GRXCR1: variants seen among roughly 807,000 people sequenced by gnomAD.
The protein encoded by GRXCR1 is glutaredoxin and cysteine rich domain containing 1.
Under a neutral mutation model 27.3 loss-of-function variants are expected in GRXCR1, and 27 were observed. The observed-to-expected ratio is 0.99, with a 90% CI of 0.73 to 1.37. The LOEUF (loss-of-function observed/expected upper bound fraction) is 1.37. GRXCR1 is among the 40% of genes most tolerant of loss of function. The probability of loss-of-function intolerance (pLI) is 0.00; values close to 1 mark genes in which losing one functional copy is unlikely to be tolerated. For synonymous variants in GRXCR1, 122 were observed against 131.1 expected (o/e 0.93, Z 0.47); for missense variants, 379 against 354.4 (o/e 1.07, Z -0.56).
At chr4:43,015,734 G>A (rs1712910834) in intron 2 of GRXCR1, among the ~76,000 whole-genome samples, 1 of 151,490 alleles carries the variant, frequency 6.6e-6, no homozygotes, top group African/African-American at 2.4e-5. Flanking sequence ...TTAGTAAGAT[G>A]AGGTGGTTTA....
chr4:42,916,303 GTAGT>G (rs1746885052), intron 1 of GRXCR1, among the ~76,000 whole-genome samples: 1 of 152,020 alleles, frequency 6.6e-6, no homozygotes. Flanking sequence ...AGGCTAAATG[GTAGT>G]TAAAGGGAAG....
At chr4:42,968,999 C>T (rs985354381) in intron 2 of GRXCR1, among the ~76,000 whole-genome samples, 1 of 152,112 alleles carries the variant, frequency 6.6e-6, no homozygotes, top group Non-Finnish European at 1.5e-5. Flanking sequence ...AACAATTCTT[C>T]AAGCTGTATG....
At chr4:42,916,815 T>G (rs1746896650) in intron 1 of GRXCR1, among the ~76,000 whole-genome samples, 2 of 152,130 alleles carry the variant, frequency 1.3e-5, no homozygotes, top group Non-Finnish European at 2.9e-5. Flanking sequence ...ACATCCAAGA[T>G]TAAGTATCTA....
At chr4:42,955,204 G>C (rs1331585433) in intron 1 of GRXCR1, among the ~76,000 whole-genome samples, 1 of 151,892 alleles carries the variant, frequency 6.6e-6, no homozygotes, top group Non-Finnish European at 1.5e-5. Context: ...TAATCACTTT[G>C]CCTCTTTGCC....
intron 3 of GRXCR1, among the ~76,000 whole-genome samples, chr4:43,030,118 T>A (rs1045893747): frequency 2.0e-5 from 3 of 152,180 alleles, no homozygotes; most frequent in Non-Finnish European, 4.4e-5. Context: ...AACCTAAAAT[T>A]TACCCACTTT....
chr4:43,003,894 G>A (rs1413335667), intron 2 of GRXCR1, among the ~76,000 whole-genome samples: 1 of 152,210 alleles, frequency 6.6e-6, no homozygotes, highest in Non-Finnish European at 1.5e-5. Context: ...ATTTTCTGGG[G>A]GAAAATAAAA....
At chr4:42,899,783 G>T (rs750261649) in intron 1 of GRXCR1, among the ~76,000 whole-genome samples, 1 of 152,070 alleles carries the variant, frequency 6.6e-6, no homozygotes, top group African/African-American at 2.4e-5. Context: ...ATCTAAGTTG[G>T]AAAATCACAT....
At chr4:42,913,038 G>C (rs147961406) in intron 1 of GRXCR1, among the ~76,000 whole-genome samples, 135 of 152,210 alleles carry the variant, frequency 8.9e-4, no homozygotes, top group Admixed American at 3.0e-3. Context: ...CACCACGATT[G>C]TAAGTTTCCT....
intron 1 of GRXCR1, among the ~76,000 whole-genome samples, chr4:42,932,091 G>A (rs1413925104): frequency 2.0e-5 from 3 of 151,926 alleles, no homozygotes; most frequent in Admixed American, 2.0e-4. Context: ...ATGACATGTG[G>A]GAATTGTGGG....
chr4:43,011,991 T>C (rs539551536), intron 2 of GRXCR1, among the ~76,000 whole-genome samples: 1 of 152,338 alleles, frequency 6.6e-6, no homozygotes, highest in East Asian at 1.9e-4. Flanking sequence ...AACTCCCTCC[T>C]GCGAATGGAA....
chr4:42,951,807 A>T (rs1299137521), intron 1 of GRXCR1, among the ~76,000 whole-genome samples: 3 of 152,138 alleles, frequency 2.0e-5, no homozygotes, highest in Non-Finnish European at 4.4e-5. Context: ...AATAATCTCC[A>T]TCCTGACTGG....
chr4:42,986,289 A>T (rs1042900297), intron 2 of GRXCR1, among the ~76,000 whole-genome samples: 14 of 152,240 alleles, frequency 9.2e-5, no homozygotes, highest in African/African-American at 3.4e-4. Flanking sequence ...TCTCTCCAGC[A>T]GTAAGACTTA....
chr4:42,949,880 G>A (rs1374959219), intron 1 of GRXCR1, among the ~76,000 whole-genome samples: 1 of 152,138 alleles, frequency 6.6e-6, no homozygotes, highest in Admixed American at 6.6e-5. Flanking sequence ...CTTGCCCTCA[G>A]TTCTCAGTCT....
At position 43,020,345 on chromosome 4, in the gene GRXCR1, C is replaced by T. The variant is rs606231120; in HGVS notation, c.628-9C>T. 8.8e-6 allele frequency: 14 copies of T among 1,587,308 alleles called. No homozygotes were observed. Among genetic ancestry groups the T allele is most frequent in the South Asian group, 2.2e-5 (2 of 90,492 alleles). On this transcript the variant is annotated splice_polypyrimidine_tract_variant and intron_variant, in intron 2 of 3. Transcript: ENST00000399770. Reference sequence around the variant, plus strand: ...ATGGATTTTTCTCCCTACTCTCTCTCGTTAATAGGGTGCTGAGAAAATTTT... The same window carrying T: ...ATGGATTTTTCTCCCTACTCTCTCTTGTTAATAGGGTGCTGAGAAAATTTT...
At chr4:42,923,399 A>G (rs997267162) in intron 1 of GRXCR1, among the ~76,000 whole-genome samples, 9 of 152,150 alleles carry the variant, frequency 5.9e-5, no homozygotes, top group African/African-American at 2.2e-4. Flanking sequence ...TCGAGGCCCA[A>G]TAAGCAAATC....
At chr4:42,999,414 C>T (rs1304848068) in intron 2 of GRXCR1, among the ~76,000 whole-genome samples, 2 of 152,266 alleles carry the variant, frequency 1.3e-5, no homozygotes, top group Non-Finnish European at 2.9e-5. Context: ...GCCTTTCAGG[C>T]TTCTTCACCA....
At chr4:42,964,371 A>G (rs765363287) in intron 2 of GRXCR1, among the ~76,000 whole-genome samples, 5 of 152,012 alleles carry the variant, frequency 3.3e-5, no homozygotes, top group Non-Finnish European at 7.4e-5. Flanking sequence ...CACTGGGGTC[A>G]GACAGACTTG....
At chr4:42,963,254 C>G in intron 2 of GRXCR1, 120 bp downstream of exon 2, 4 of 1,138,352 alleles carry the variant, frequency 3.5e-6, no homozygotes, top group Non-Finnish European at 5.3e-6. Context: ...TTTTGGAGCT[C>G]AAACCAAAGG....
intron 1 of GRXCR1, among the ~76,000 whole-genome samples, chr4:42,958,507 TAA>T (rs1748059862): frequency 6.6e-6 from 1 of 151,998 alleles, no homozygotes; most frequent in Admixed American, 6.6e-5. Context: ...AGAATTTTTT[TAA>T]GTTTTGGATA....
Sources: allele counts gnomAD v4.1 joint callset (sites outside exome capture counted in the v4.1 genomes callset), GRCh38; gene constraint gnomAD v4.1.1; transcripts MANE v1.5; gene names NCBI Gene and HGNC (gene_info 2026-07-23, HGNC 2026-07-21).